Variants in NDUFAF5 observed in about 807,000 individuals in gnomAD.
The protein encoded by NDUFAF5 is NADH:ubiquinone oxidoreductase complex assembly factor 5, also known as arginine-hydroxylase NDUFAF5, mitochondrial.
In NDUFAF5, 34 loss-of-function variants were observed where a neutral mutation model predicts 48.9. The observed-to-expected ratio is 0.70, with a 90% CI of 0.53 to 0.93. The LOEUF (loss-of-function observed/expected upper bound fraction) is 0.93, where lower values mean the gene tolerates loss of function less well. NDUFAF5 is among the 40% of genes least tolerant of loss of function. The pLI is 0.00. For synonymous variants in NDUFAF5, 153 were observed against 150.6 expected (o/e 1.02, Z -0.12); for missense variants, 428 against 427.5 (o/e 1.00, Z -0.01).
intron 6 of NDUFAF5, among the ~76,000 whole-genome samples, chr20:13,800,366 A>G (rs1383910864): frequency 9.9e-5 from 15 of 152,250 alleles, no homozygotes; most frequent in Admixed American, 9.8e-4. Flanking sequence ...ATGACATATT[A>G]AATATAAATT....
rs776063304 is a variant in NDUFAF5 at position 13,785,042 on chromosome 20, C to T, written c.-27C>T. 4 of 1,594,890 alleles carry T rather than the reference C, an allele frequency of 2.5e-6. No homozygotes were observed. The highest frequency in any genetic ancestry group is 2.7e-5 in the African/African-American group (2 of 74,592). On this transcript the variant is annotated 5_prime_UTR_variant, in exon 1 of 11. Transcript: ENST00000378106. ...CGCGCTGGCGCATGCGCACAAAAAG[C>T]GCCGGCAATTGGGGTCGCAGCTGGA... is the stretch of plus-strand genomic sequence containing the variant.
At chr20:13,815,603 A>G (rs1026128337) in intron 8 of NDUFAF5, among the ~76,000 whole-genome samples, 2 of 152,236 alleles carry the variant, frequency 1.3e-5, no homozygotes, top group Admixed American at 1.3e-4. Flanking sequence ...AAACTGTGAA[A>G]GAATACTGAT....
rs367645690 is a variant in NDUFAF5, at chr20:13,801,522, G to C, written c.556G>C (p.Gly186Arg). 2.5e-6 allele frequency: 4 copies of C among 1,613,174 alleles called. No homozygotes were observed. Among genetic ancestry groups the C allele is most frequent in the Non-Finnish European group, 3.4e-6 (4 of 1,179,578 alleles). ...YILKPDGVFIGAMFGGDTLYE... is the reference protein window; with the variant it reads ...YILKPDGVFIRAMFGGDTLYE... Reference sequence around the variant, plus strand: ...TTTAAAACCAGATGGAGTGTTTATCGGTGCAATGTTTGGAGGCGACACACT... The same window carrying C: ...TTTAAAACCAGATGGAGTGTTTATCCGTGCAATGTTTGGAGGCGACACACT... Residue 186 changes from glycine to arginine, a missense_variant, in exon 7 of 11, where the codon GGT becomes CGT. Transcript: ENST00000378106.
intron 6 of NDUFAF5, among the ~76,000 whole-genome samples, chr20:13,801,283 A>G (rs1222121992): frequency 6.6e-6 from 1 of 152,176 alleles, no homozygotes; most frequent in African/African-American, 2.4e-5. Flanking sequence ...TAGTGAATGT[A>G]TAGTTGTCTT....
chr20:13,800,657 C>G (rs755011773), intron 6 of NDUFAF5, among the ~76,000 whole-genome samples: 2 of 152,322 alleles, frequency 1.3e-5, no homozygotes, highest in Middle Eastern at 3.4e-3. Flanking sequence ...TGCTGTGAAT[C>G]ATAATGATTT....
chr20:13,817,324 T>G lies in NDUFAF5; in HGVS notation c.*114T>G, dbSNP rs572740403. 123 of 851,028 alleles carry G rather than the reference T, an allele frequency of 1.4e-4. No homozygotes were observed. The African/African-American group carries it at 1.9e-3, about 13-fold the overall frequency. The allele number at this position is 851,028 out of a possible 1,614,324, so 52.7% of individuals were successfully genotyped here. ...CACTCTAAGCTATTTACTAATAGGC[T>G]TTTCATATAATTAGGAAAACCTAAT... On this transcript the variant is annotated 3_prime_UTR_variant, in exon 11 of 11. Coordinates refer to ENST00000378106, the MANE Select transcript of NDUFAF5 (RefSeq NM_024120.5).
intron 5 of NDUFAF5, among the ~76,000 whole-genome samples, chr20:13,796,651 G>T (rs74794170): frequency 9.2e-5 from 14 of 152,232 alleles, no homozygotes; most frequent in Non-Finnish European, 2.1e-4. Flanking sequence ...TCGCTGTCAC[G>T]CATGACTACA....
At chr20:13,811,411 A>C (rs982009171) in intron 8 of NDUFAF5, among the ~76,000 whole-genome samples, 1 of 152,100 alleles carries the variant, frequency 6.6e-6, no homozygotes, top group African/African-American at 2.4e-5. Context: ...TAGAGATGAG[A>C]TTTTAAAATC....
intron 6 of NDUFAF5, among the ~76,000 whole-genome samples, chr20:13,798,977 C>T (rs546298680): frequency 1.3e-5 from 2 of 152,268 alleles, no homozygotes; most frequent in South Asian, 4.1e-4. Flanking sequence ...TGTGGCTTGA[C>T]ATGGCCTAGA....
chr20:13,790,335 CT>C (rs1424441218), intron 3 of NDUFAF5, among the ~76,000 whole-genome samples: 3 of 7,398 alleles, frequency 4.1e-4, no homozygotes, highest in African/African-American at 3.0e-4. Context: ...CTTTTAGTAA[CT>C]CAACGCCAAA....
At chr20:13,808,964 T>A in intron 8 of NDUFAF5, 62 bp downstream of exon 8, 2 of 1,101,486 alleles carry the variant, frequency 1.8e-6, no homozygotes, top group Non-Finnish European at 2.8e-6. Flanking sequence ...AAAAAGAATT[T>A]TTAGACTCCA....
At chr20:13,793,447 CAT>C (rs1381297403) in intron 4 of NDUFAF5, among the ~76,000 whole-genome samples, 2 of 152,192 alleles carry the variant, frequency 1.3e-5, no homozygotes, top group Non-Finnish European at 2.9e-5. Context: ...CATTTGCAGA[CAT>C]ATAACTGTCC....
chr20:13,802,671 C>CAA (rs11472201), intron 7 of NDUFAF5, among the ~76,000 whole-genome samples: 18,606 of 102,210 alleles, frequency 0.18, 2,296 homozygotes, highest in East Asian at 0.44. Flanking sequence ...ATTCCCGTCT[C>CAA]AAAAAAAAAA....
intron 6 of NDUFAF5, among the ~76,000 whole-genome samples, chr20:13,799,318 G>T (rs34449907): frequency 6.6e-6 from 1 of 152,012 alleles, no homozygotes; most frequent in African/African-American, 2.4e-5. Context: ...ATCTGAACAC[G>T]TATGATTTTC....
chr20:13,799,461 G>T (rs1171176487), intron 6 of NDUFAF5, among the ~76,000 whole-genome samples: 1 of 152,152 alleles, frequency 6.6e-6, no homozygotes, highest in Admixed American at 6.5e-5. Flanking sequence ...TACTTTGGGA[G>T]GCTGAGGTGG....
intron 8 of NDUFAF5, among the ~76,000 whole-genome samples, chr20:13,815,564 C>T (rs899069897): frequency 2.6e-5 from 4 of 152,064 alleles, no homozygotes; most frequent in African/African-American, 9.6e-5. Context: ...TTAATAAGAC[C>T]ATTGAAAATA....
intron 7 of NDUFAF5, among the ~76,000 whole-genome samples, chr20:13,803,777 T>G (rs1054487374): frequency 1.3e-5 from 2 of 152,102 alleles, no homozygotes; most frequent in South Asian, 2.1e-4. Context: ...AAAATAACTA[T>G]ATTTTCTTTT....
intron 9 of NDUFAF5, 86 bp downstream of exon 9, chr20:13,816,632 C>A: frequency 9.0e-7 from 1 of 1,112,222 alleles, no homozygotes; most frequent in Non-Finnish European, 1.4e-6. Context: ...AATGCATTTT[C>A]CATTCCTGTT....
intron 5 of NDUFAF5, 144 bp from the exon 6 acceptor site, chr20:13,798,317 G>C: frequency 1.4e-6 from 1 of 699,802 alleles, no homozygotes; most frequent in Non-Finnish European, 2.6e-6. Flanking sequence ...TTTAAAACCT[G>C]TATGAAAACG....
Sources: allele counts gnomAD v4.1 joint callset (sites outside exome capture counted in the v4.1 genomes callset), GRCh38; gene constraint gnomAD v4.1.1; transcripts MANE v1.5; gene names NCBI Gene and HGNC (gene_info 2026-07-23, HGNC 2026-07-21).